SKP2: variants seen among roughly 807,000 people sequenced by gnomAD.
SKP2 encodes S-phase kinase associated protein 2, also known as S-phase kinase-associated protein 2.
In SKP2, 16 loss-of-function variants were observed where a neutral mutation model predicts 51.8. The ratio of observed to expected loss-of-function variants is 0.31; its 90% CI spans 0.21 to 0.47. The LOEUF (loss-of-function observed/expected upper bound fraction) is 0.47, where lower values mean the gene tolerates loss of function less well. Among genes scored for constraint, SKP2 ranks in the 20% least tolerant of loss-of-function variants. The pLI is 1.00. For missense variants in SKP2, 377 were observed against 505.3 expected, an observed-to-expected ratio of 0.75 and a Z score of 2.43; for synonymous variants, 176 against 198.6, an observed-to-expected ratio of 0.89 and a Z score of 0.96.
At chr5:36,188,218 A>G (rs1382487399), downstream of SKP2, among the ~76,000 whole-genome samples, 2 of 152,194 alleles carry the variant, frequency 1.3e-5, no homozygotes, top group East Asian at 3.9e-4. Flanking sequence ...TGGAGCATTT[A>G]GTCAATTTAC....
intron 2 of SKP2, among the ~76,000 whole-genome samples, chr5:36,160,648 A>G (rs1319818329): frequency 2.0e-5 from 3 of 152,234 alleles, no homozygotes. Flanking sequence ...TGATCTAGAT[A>G]TGTAAGAGGC....
intron 6 of SKP2, among the ~76,000 whole-genome samples, chr5:36,171,000 A>G (rs533629085): frequency 1.1e-3 from 175 of 152,268 alleles, no homozygotes; most frequent in African/African-American, 4.0e-3. Context: ...CAGCATTTGA[A>G]TCTGTGTCTT....
chr5:36,176,908 T>C (rs1745651741), intron 7 of SKP2, 57 bp from the exon 8 acceptor site: 2 of 1,144,020 alleles, frequency 1.7e-6, no homozygotes, highest in Non-Finnish European at 2.6e-6. Flanking sequence ...TGATAACAAA[T>C]ATCCTTGTCT....
chr5:36,182,011 C>G lies in SKP2; in HGVS notation c.1255C>G (p.Gln419Glu). The G allele has an allele frequency of 6.2e-7, 1 of 1,614,106 alleles. No individual in the cohort carries two copies. Among genetic ancestry groups the G allele is most frequent in the Non-Finnish European group, 8.5e-7 (1 of 1,179,988 alleles). ...GGGCATCAAATGCCGACTGACACTG[C>G]AAAAGCCCAGTTGTCTATGAAGTAT... ...IWGIKCRLTL[Q>E]KPSCL Residue 419 changes from glutamine to glutamate, a missense_variant, in exon 10 of 10, where the codon CAA becomes GAA. By Grantham distance (29) the Gln-to-Glu change is conservative. Around this residue, in one of 2 missense-constraint regions of SKP2, gnomAD observed 262 missense variants for 389.8 expected, o/e 0.67. Transcript: ENST00000274255.
chr5:36,167,993 A>G (rs1579562589), intron 4 of SKP2, among the ~76,000 whole-genome samples: 1 of 151,998 alleles, frequency 6.6e-6, no homozygotes, highest in Non-Finnish European at 1.5e-5. Context: ...CCTGCCAGAA[A>G]CCAGGAGCCG....
At position 36,170,341 on chromosome 5, in the gene SKP2, C is replaced by T. The variant is rs369692441; in HGVS notation, c.672-3C>T. The T allele has an allele frequency of 6.7e-5, 107 of 1,587,126 alleles. No homozygotes were observed. The African/African-American group carries it at 1.3e-3, about 20-fold the overall frequency. ...TTCTTCTGACGTTTTTCTCTTTTTC[C>T]AGTACTCTCGCAAAAAACTCAAATT... On this transcript the variant is annotated splice_polypyrimidine_tract_variant and splice_region_variant and intron_variant, in intron 5 of 9. Transcript: ENST00000274255.
rs5867306 is a variant in SKP2, at chr5:36,161,292, T to TAAA, written c.281-2339_281-2337dup. On this transcript the variant is annotated intron_variant, in intron 2 of 9. Coordinates refer to ENST00000274255, the MANE Select transcript of SKP2 (RefSeq NM_005983.4). ...TAGTTCCTGAAAATACAAAAATTGT[T>TAAA]AAAAAAAAAAAAAAAAGCGTTTTTG... Among the ~76,000 whole-genome samples, 666 of 140,874 alleles carry TAAA rather than the reference T, an allele frequency of 4.7e-3. 2 individuals are homozygous for TAAA. Among genetic ancestry groups the TAAA allele is most frequent in the African/African-American group, 0.015 (561 of 37,894 alleles). The allele number at this position is 140,874 out of a possible 152,430, so 92.4% of individuals were successfully genotyped here.
In SKP2 at chr5:36,183,056, C is replaced by G; in HGVS notation, c.*1025C>G. Reference sequence around the variant, plus strand: ...TGAAACTATCCATATATAAGGTTATCAGACCTACAGTTCCCTAAGAGGAAC... The same window carrying G: ...TGAAACTATCCATATATAAGGTTATGAGACCTACAGTTCCCTAAGAGGAAC... On this transcript the variant is annotated 3_prime_UTR_variant, in exon 10 of 10. Coordinates refer to ENST00000274255, the MANE Select transcript of SKP2 (RefSeq NM_005983.4). 10 of 972,282 alleles carry G rather than the reference C, an allele frequency of 1.0e-5. No individual in the cohort carries two copies. Among genetic ancestry groups the G allele is most frequent in the Non-Finnish European group, 1.2e-5 (10 of 818,168 alleles). 60.2% of individuals were successfully genotyped at this position (972,282 alleles called of 1,614,324 possible).
At chr5:36,174,602 T>G (rs1334584918) in intron 7 of SKP2, among the ~76,000 whole-genome samples, 3 of 152,174 alleles carry the variant, frequency 2.0e-5, no homozygotes, top group African/African-American at 7.2e-5. Flanking sequence ...TTATGAAGAT[T>G]ACTTTCTAGT....
intron 5 of SKP2, among the ~76,000 whole-genome samples, chr5:36,169,376 C>T (rs897152319): frequency 1.2e-4 from 18 of 151,674 alleles, no homozygotes; most frequent in African/African-American, 3.9e-4. Flanking sequence ...ACCCGGGAGG[C>T]GGAGGTTGCC....
chr5:36,185,722 T>C (rs1745947505), downstream of SKP2, among the ~76,000 whole-genome samples: 1 of 152,176 alleles, frequency 6.6e-6, no homozygotes, highest in Admixed American at 6.5e-5. Flanking sequence ...CTTAGGATTG[T>C]CTTGGCAATA....
intron 7 of SKP2, 55 bp downstream of exon 7, chr5:36,171,788 T>A: frequency 4.6e-6 from 7 of 1,527,804 alleles, no homozygotes; most frequent in Non-Finnish European, 4.5e-6. Flanking sequence ...TAGATGAGAT[T>A]CATTGAGCTT....
In SKP2 at chr5:36,184,050, T is replaced by G; in HGVS notation, c.*2019T>G. 9.5e-7 allele frequency: 1 copy of G among 1,051,838 alleles called. No homozygotes were observed. Among genetic ancestry groups the G allele is most frequent in the Non-Finnish European group, 1.4e-6 (1 of 711,128 alleles). The allele number at this position is 1,051,838 out of a possible 1,614,324, so 65.2% of individuals were successfully genotyped here. A position where few individuals can be genotyped will look rare whatever the true frequency, so the allele number is the denominator to read the frequency against. On this transcript the variant is annotated 3_prime_UTR_variant, in exon 10 of 10. Transcript: ENST00000274255. ...AAAAATGAGTGCTTAAACTAAGTTG[T>G]ATTCCTTTTTTCTTTCTCTTTTTTT...
At chr5:36,166,470 A>C in intron 3 of SKP2, 49 bp from the exon 4 acceptor site, 6 of 1,569,394 alleles carry the variant, frequency 3.8e-6, no homozygotes, top group Non-Finnish European at 5.3e-6. Flanking sequence ...GAGGGCTTCC[A>C]GCATTTAGTG....
intron 6 of SKP2, among the ~76,000 whole-genome samples, chr5:36,190,591 T>A (rs947520294): frequency 6.7e-6 from 1 of 149,702 alleles, no homozygotes; most frequent in East Asian, 2.0e-4. Context: ...TCCATTCGAA[T>A]GGTAGAATGG....
intron 7 of SKP2, 113 bp downstream of exon 7, chr5:36,171,846 G>A: frequency 9.9e-7 from 1 of 1,014,624 alleles, no homozygotes; most frequent in South Asian, 1.6e-5. Flanking sequence ...TCCAGTGCAT[G>A]TGTTAGTCCC....
At position 36,168,313 on chromosome 5, in the gene SKP2, C is replaced by T. The variant is rs1213505025; in HGVS notation, c.537C>T (p.Ser179=). The T allele has an allele frequency of 6.2e-7, 1 of 1,613,556 alleles. No homozygotes were observed. The highest frequency in any genetic ancestry group is 1.7e-5 in the Admixed American group (1 of 59,944). The change falls in exon 5 of 10, where the codon AGC becomes AGT. Residue 179 remains serine, a splice_region_variant and synonymous_variant. Transcript: ENST00000274255. ...FMDQPLAEHF[S]PFRVQHMDLS... ...GCTCCTTTTTTCTCTCCGTGTTTAG[C>T]CCTTTTCGTGTACAGCACATGGACC...
chr5:36,190,736 A>G (rs1008762492), intron 6 of SKP2, among the ~76,000 whole-genome samples: 1 of 150,568 alleles, frequency 6.6e-6, no homozygotes, highest in Non-Finnish European at 1.5e-5. Context: ...TTCCAGTTTC[A>G]ACAGTCATTG....
intron 7 of SKP2, among the ~76,000 whole-genome samples, chr5:36,176,648 T>C (rs1274516862): frequency 6.6e-6 from 1 of 151,986 alleles, no homozygotes; most frequent in Non-Finnish European, 1.5e-5. Context: ...TGCTTATATA[T>C]ACTGGTGTTT....
Sources: gnomAD v4.1 joint callset for allele counts (sites outside exome capture counted in the v4.1 genomes callset) on GRCh38, gnomAD v4.1.1 for gene constraint, gnomAD v4.1.1 regional missense constraint, MANE v1.5 for transcripts, NCBI Gene and HGNC (gene_info 2026-07-23, HGNC 2026-07-21) for gene names.